MDN1: variants seen among roughly 807,000 people sequenced by gnomAD.
MDN1 encodes the protein midasin.
A neutral mutation model predicts 669.2 loss-of-function variants in MDN1; 266 were observed. That is an observed-to-expected ratio of 0.40 (90% CI 0.36 to 0.44). MDN1 has a LOEUF of 0.44. MDN1 is among the 20% of genes least tolerant of loss of function. The pLI is 1.00. For missense variants in MDN1, 5,940 were observed against 6,754.0 expected (o/e 0.88, Z 4.22); for synonymous variants, 2,385 against 2,457.1 (o/e 0.97, Z 0.87).
intron 15 of MDN1, among the ~76,000 whole-genome samples, chr6:89,769,066 A>C (rs1432515853): frequency 6.6e-6 from 1 of 152,156 alleles, no homozygotes; most frequent in Non-Finnish European, 1.5e-5. Flanking sequence ...AGAAAAAAAA[A>C]AAGATCCGAA....
chr6:89,725,146 G>A lies in MDN1; in HGVS notation c.5670+53C>T, dbSNP rs1815133117. On this transcript the variant is annotated intron_variant, in intron 38 of 101. Transcript: ENST00000369393. Reference sequence around the variant, plus strand: ...TATCCTTAAAGGCTTCATAATAGTAGTCTTATCCCCTCCGAGTCTATCTTT... The same window carrying A: ...TATCCTTAAAGGCTTCATAATAGTAATCTTATCCCCTCCGAGTCTATCTTT... 3.9e-6 allele frequency: 6 copies of A among 1,524,776 alleles called. No homozygotes were observed. In the South Asian group the frequency reaches 6.8e-5, roughly 17 times the overall value. 94.5% of individuals were successfully genotyped at this position (1,524,776 alleles called of 1,614,324 possible). A position where few individuals can be genotyped will look rare whatever the true frequency, so the allele number is the denominator to read the frequency against.
chr6:89,672,700 T>C lies in MDN1; in HGVS notation c.13477A>G (p.Asn4493Asp). The C allele has an allele frequency of 6.2e-7, 1 of 1,613,594 alleles. No homozygotes were observed. The highest frequency in any genetic ancestry group is 1.1e-5 in the South Asian group (1 of 91,020). The change falls in exon 81 of 102, where the codon AAT (asparagine) becomes GAT (aspartate). Residue 4493 changes from asparagine (N) to aspartate (D), a missense_variant and splice_region_variant. Coordinates refer to ENST00000369393, the MANE Select transcript of MDN1 (RefSeq NM_014611.3). ...HLLTSDSQGG[N>D]QMLDEGFVED... The stretch of plus-strand genomic sequence containing the variant: ...ACAAATCCTTCGTCCAACATTTGAT[T>C]TCCTAGCAGGTAACATGGTGCAAAA...
rs779522205 is a variant in MDN1, at chr6:89,672,293, G to A, written c.13701C>T (p.Ser4567=). The A allele has an allele frequency of 6.2e-7, 1 of 1,612,884 alleles. No individual in the cohort carries two copies. Among genetic ancestry groups the A allele is most frequent in the Non-Finnish European group, 8.5e-7 (1 of 1,179,806 alleles). The change falls in exon 82 of 102, where the codon AGC becomes AGT. Residue 4567 remains serine (S), a synonymous_variant. Coordinates refer to ENST00000369393, the MANE Select transcript of MDN1 (RefSeq NM_014611.3). The part of the protein sequence containing the change: ...LLEDDFWADV[S]TLHVQKIISA... ...AAATTATTTTCTGCACGTGCAAAGT[G>A]CTCACATCGGCCCAGAAGTCATCCT...
Position 89,643,143 on chromosome 6 carries a change from G to C in MDN1, c.*862C>G, listed in dbSNP as rs7682. The C allele has an allele frequency of 6.6e-6, 1 of 151,964 alleles. No homozygotes were observed. Among genetic ancestry groups the C allele is most frequent in the African/African-American group, 2.4e-5 (1 of 41,338 alleles). The allele number at this position is 151,964 out of a possible 1,614,324, so 9.4% of individuals were successfully genotyped here. ...GGAGCTGCTGAGTTCTGGACACAGCGTTTCTTTCCCAGAATGAGACTGGCT... is the reference window on the plus strand; with the variant it reads ...GGAGCTGCTGAGTTCTGGACACAGCCTTTCTTTCCCAGAATGAGACTGGCT... On this transcript the variant is annotated 3_prime_UTR_variant, in exon 102 of 102. Transcript: ENST00000369393.
intron 35 of MDN1, among the ~76,000 whole-genome samples, chr6:89,730,346 A>G (rs1815509357): frequency 6.6e-6 from 1 of 152,226 alleles, no homozygotes; most frequent in Non-Finnish European, 1.5e-5. Context: ...TGTTTCTGTA[A>G]AAGATGATGA....
intron 45 of MDN1, among the ~76,000 whole-genome samples, chr6:89,715,214 G>A (rs1814268409): frequency 6.6e-6 from 1 of 152,148 alleles, no homozygotes; most frequent in Admixed American, 6.5e-5. Flanking sequence ...TCCTTTACCA[G>A]TCTTCCCTTT....
Position 89,648,025 on chromosome 6 carries a change from C to T in MDN1, c.16395+7G>A, listed in dbSNP as rs1193392205. The T allele has an allele frequency of 1.1e-5, 17 of 1,598,774 alleles. No individual in the cohort carries two copies. Among genetic ancestry groups the T allele is most frequent in the Non-Finnish European group, 1.5e-5 (17 of 1,166,070 alleles). On this transcript the variant is annotated splice_region_variant and intron_variant, in intron 99 of 101. Transcript: ENST00000369393. ...TGTGCAGAAGACATTTTATTTCATC[C>T]TCTTACCTGAGCAATCTTGGTTTTC...
At chr6:89,728,086 A>G in intron 36 of MDN1, 131 bp from the exon 37 acceptor site, 2 of 1,090,094 alleles carry the variant, frequency 1.8e-6, no homozygotes, top group Non-Finnish European at 2.6e-6. Flanking sequence ...CCCAAGATAG[A>G]ACTAACCAAT....
intron 2 of MDN1, among the ~76,000 whole-genome samples, chr6:89,797,077 C>T (rs1428952520): frequency 6.7e-6 from 1 of 148,770 alleles, no homozygotes; most frequent in Non-Finnish European, 1.5e-5. Context: ...TCAACAACAA[C>T]ACAAAAATTT....
intron 31 of MDN1, among the ~76,000 whole-genome samples, chr6:89,742,658 G>T (rs1442267981): frequency 1.3e-5 from 2 of 152,098 alleles, no homozygotes; most frequent in African/African-American, 4.8e-5. Flanking sequence ...GAAAAAATGG[G>T]TGTTACTACA....
rs534356578 is a variant in MDN1 at position 89,768,741 on chromosome 6, C to A, written c.2144+2820G>T. Among the ~76,000 whole-genome samples the A allele has an allele frequency of 5.9e-5, 9 of 151,434 alleles. No homozygotes were observed. In the East Asian group the frequency reaches 7.8e-4, roughly 13 times the overall value. On this transcript the variant is annotated intron_variant, in intron 15 of 101. Coordinates refer to ENST00000369393, the MANE Select transcript of MDN1 (RefSeq NM_014611.3). Reference sequence around the variant, plus strand: ...AACAGAGTGAGACCCTGTCCCCCCCCAAAAAAAGAGTTAAAATTAAATAAA... The same window carrying A: ...AACAGAGTGAGACCCTGTCCCCCCCAAAAAAAAGAGTTAAAATTAAATAAA...
At chr6:89,682,336 T>C (rs1360289098) in intron 73 of MDN1, among the ~76,000 whole-genome samples, 1 of 152,208 alleles carries the variant, frequency 6.6e-6, no homozygotes, top group Non-Finnish European at 1.5e-5. Context: ...CATTAAATTT[T>C]AAGCAGCAAG....
intron 16 of MDN1, 64 bp downstream of exon 16, chr6:89,762,255 C>T: frequency 7.3e-7 from 1 of 1,366,496 alleles, no homozygotes; most frequent in East Asian, 2.3e-5. Context: ...TTCCCCAAAA[C>T]TAATATGTTA....
intron 26 of MDN1, 85 bp downstream of exon 26, chr6:89,749,138 C>T: frequency 1.6e-6 from 2 of 1,282,596 alleles, no homozygotes; most frequent in Admixed American, 2.5e-5. Context: ...AATACATCAA[C>T]AGACAGATTC....
rs546343633 is a variant in MDN1 at position 89,702,109 on chromosome 6, C to T, written c.8149-48G>A. On this transcript the variant is annotated intron_variant, in intron 53 of 101. Coordinates refer to ENST00000369393, the MANE Select transcript of MDN1 (RefSeq NM_014611.3). ...AAGATGGCATGAAGAAAGACTAAAG[C>T]AAGAAGAAAAATAAAAACAAAGTGA... is the stretch of plus-strand genomic sequence containing the variant. The T allele has an allele frequency of 3.9e-6, 6 of 1,531,456 alleles. No homozygotes were observed. The African/African-American group carries it at 8.4e-5, about 21-fold the overall frequency. The allele number at this position is 1,531,456 out of a possible 1,614,324, so 94.9% of individuals were successfully genotyped here.
chr6:89,778,848 T>G (rs1279997195), intron 11 of MDN1, among the ~76,000 whole-genome samples: 1 of 150,532 alleles, frequency 6.6e-6, no homozygotes, highest in Non-Finnish European at 1.5e-5. Flanking sequence ...ATCACGCCAC[T>G]GCACTCCAGC....
chr6:89,727,173 C>A (rs1462796303), intron 37 of MDN1, among the ~76,000 whole-genome samples: 1 of 152,196 alleles, frequency 6.6e-6, no homozygotes, highest in Non-Finnish European at 1.5e-5. Context: ...AGTCCCACAG[C>A]ACCCTCTCTG....
chr6:89,711,709 T>C (rs1441555589), intron 49 of MDN1, among the ~76,000 whole-genome samples: 1 of 152,198 alleles, frequency 6.6e-6, no homozygotes, highest in Non-Finnish European at 1.5e-5. Flanking sequence ...CCATATAGAA[T>C]GGTTCTGTAG....
chr6:89,656,527 T>G (rs1327547127), intron 91 of MDN1, among the ~76,000 whole-genome samples, 173 bp downstream of exon 91: 1 of 151,460 alleles, frequency 6.6e-6, no homozygotes, highest in Non-Finnish European at 1.5e-5. Flanking sequence ...GGGATCCCAC[T>G]GGGTAAACCC....
Sources: gnomAD v4.1 joint callset for allele counts (sites outside exome capture counted in the v4.1 genomes callset) on GRCh38, gnomAD v4.1.1 for gene constraint, MANE v1.5 for transcripts, NCBI Gene and HGNC (gene_info 2026-07-23, HGNC 2026-07-21) for gene names.